The following MEIOSIN variants were observed in gnomAD, a reference collection of about 807,000 sequenced individuals.
The protein encoded by MEIOSIN is meiosis initiator protein.
MEIOSIN carries 18 observed loss-of-function variants against 23.4 expected under a neutral mutation model. That is an observed-to-expected ratio of 0.77 (90% CI 0.53 to 1.14). MEIOSIN has a LOEUF of 1.14. Among genes scored for constraint, MEIOSIN ranks in the 50% most tolerant of loss-of-function variants. The pLI is 0.00. For missense variants in MEIOSIN, 428 were observed against 242.9 expected, an observed-to-expected ratio of 1.76 and a Z score of -5.07; for synonymous variants, 187 against 100.6, an observed-to-expected ratio of 1.86 and a Z score of -5.14.
intron 3 of MEIOSIN, among the ~76,000 whole-genome samples, chr19:45,743,266 A>G (rs1486303060): frequency 6.6e-6 from 1 of 152,184 alleles, no homozygotes; most frequent in African/African-American, 2.4e-5. Flanking sequence ...GAGACGGTCA[A>G]ATAACACCTT....
In MEIOSIN at chr19:45,764,418, C is replaced by T. The variant is rs991255755; in HGVS notation, c.*300C>T. ...CCCTCTCCCCTTCCCTTCCCCACCCCAGAGCCACTCGGTTGCAACCCTGTT... is the reference window on the plus strand; with the variant it reads ...CCCTCTCCCCTTCCCTTCCCCACCCTAGAGCCACTCGGTTGCAACCCTGTT... On this transcript the variant is annotated 3_prime_UTR_variant, in exon 15 of 15. Coordinates refer to ENST00000457052, the MANE Select transcript of MEIOSIN (RefSeq NM_001310124.2). 6.3e-6 allele frequency: 2 copies of T among 316,914 alleles called. No individual in the cohort carries two copies. The highest frequency in any genetic ancestry group is 1.1e-5 in the Non-Finnish European group (2 of 174,440). 19.6% of individuals were successfully genotyped at this position (316,914 alleles called of 1,614,324 possible). A position where few individuals can be genotyped will look rare whatever the true frequency, so the allele number is the denominator to read the frequency against.
chr19:45,741,340 G>C (rs1479916945), intron 3 of MEIOSIN, among the ~76,000 whole-genome samples: 2 of 151,118 alleles, frequency 1.3e-5, no homozygotes, highest in Admixed American at 6.6e-5. Flanking sequence ...GCGAGACTCT[G>C]TCTCGGGGGA....
intron 2 of MEIOSIN, among the ~76,000 whole-genome samples, chr19:45,737,162 C>G (rs1376595592): frequency 6.6e-6 from 1 of 151,824 alleles, no homozygotes. Context: ...AGTCAGCAAG[C>G]CTGGCTTCTT....
Position 45,759,462 on chromosome 19 carries a change from C to T in MEIOSIN, c.1217C>T (p.Ala406Val), listed in dbSNP as rs1382035249. 1 of 703,316 alleles carries T rather than the reference C, an allele frequency of 1.4e-6. No homozygotes were observed. The highest frequency in any genetic ancestry group is 2.0e-5 in the Admixed American group (1 of 49,990). 43.6% of individuals were successfully genotyped at this position (703,316 alleles called of 1,614,324 possible). The change falls in exon 11 of 15, where the codon GCC (alanine) becomes GTC (valine). Residue 406 changes from alanine to valine, a missense_variant. Coordinates refer to ENST00000457052, the MANE Select transcript of MEIOSIN (RefSeq NM_001310124.2). ...TTAGATCTGGAGTCTTCACCTTCAGCCTACACGCAGGAGGCTCCACAGGAA... is the reference window on the plus strand; with the variant it reads ...TTAGATCTGGAGTCTTCACCTTCAGTCTACACGCAGGAGGCTCCACAGGAA... ...VCLDLESSPS[A>V]YTQEAPQEKD...
chr19:45,752,071 C>G (rs182444586), intron 5 of MEIOSIN, among the ~76,000 whole-genome samples: 1 of 124,166 alleles, frequency 8.1e-6, no homozygotes, highest in Non-Finnish European at 1.6e-5. Context: ...AGGTCTCACT[C>G]TGTCACCCAG....
rs1307740053 is a variant in MEIOSIN, at chr19:45,753,782, G to T, written c.550G>T (p.Ala184Ser). ...GCCTCGGAAGAAGAAGCTGACCCAG[G>T]CATCAGGTACAAGCTGTCACTGGAG... ...QKPRKKKLTQASESQTRTPKP... is the reference protein window; with the variant it reads ...QKPRKKKLTQSSESQTRTPKP... Residue 184 changes from alanine to serine, a missense_variant, in exon 6 of 15, where the codon GCA (alanine) becomes TCA (serine). Physicochemically the swap from Ala to Ser is moderately conservative, Grantham distance 99. Transcript: ENST00000457052. 1 of 702,340 alleles carries T rather than the reference G, an allele frequency of 1.4e-6. No individual in the cohort carries two copies. 43.5% of individuals were successfully genotyped at this position (702,340 alleles called of 1,614,324 possible).
rs1226485779 is a variant in MEIOSIN at position 45,739,673 on chromosome 19, C to T, written c.119C>T (p.Pro40Leu). Residue 40 changes from proline to leucine, a missense_variant, in exon 3 of 15, where the codon CCC becomes CTC. Coordinates refer to ENST00000457052, the MANE Select transcript of MEIOSIN (RefSeq NM_001310124.2). ...SLVEGEDKVN[P>L]SEPHGLRMEE... ...GTGGAAGGGGAAGATAAGGTCAACC[C>T]CTCCGAACCACATGGACTGAGAATG... The T allele has an allele frequency of 1.4e-6, 1 of 703,376 alleles. No individual in the cohort carries two copies. The highest frequency in any genetic ancestry group is 2.0e-5 in the Admixed American group (1 of 49,968). 43.6% of individuals were successfully genotyped at this position (703,376 alleles called of 1,614,324 possible). A position where few individuals can be genotyped will look rare whatever the true frequency, so the allele number is the denominator to read the frequency against.
chr19:45,741,528 A>C (rs572902354), intron 3 of MEIOSIN, among the ~76,000 whole-genome samples: 40 of 152,138 alleles, frequency 2.6e-4, no homozygotes, highest in Non-Finnish European at 5.4e-4. Flanking sequence ...TTTTATGGAT[A>C]AATCAGCCTG....
At chr19:45,745,727 C>T (rs1282231134) in intron 4 of MEIOSIN, among the ~76,000 whole-genome samples, 1 of 152,104 alleles carries the variant, frequency 6.6e-6, no homozygotes, top group East Asian at 1.9e-4. Context: ...CCACCACACC[C>T]GGCTAATAGT....
At chr19:45,747,285 C>T (rs1968612331) in intron 4 of MEIOSIN, among the ~76,000 whole-genome samples, 1 of 152,196 alleles carries the variant, frequency 6.6e-6, no homozygotes, top group Admixed American at 6.5e-5. Flanking sequence ...GGGACATGCT[C>T]AGTCCAGTGC....
At chr19:45,737,320 T>G (rs540589032) in intron 2 of MEIOSIN, among the ~76,000 whole-genome samples, 5 of 151,654 alleles carry the variant, frequency 3.3e-5, no homozygotes, top group Non-Finnish European at 7.4e-5. Flanking sequence ...GCTGGGACCA[T>G]AGGCGTGCAC....
In MEIOSIN at chr19:45,753,700, T is replaced by G; in HGVS notation, c.468T>G (p.Ser156=). ...AWGPARRRRH[S]TPSSSPSSQK... ...GCCCAGCCAGGCGGAGGAGACACTCTACCCCCTCCAGCTCCCCAAGCTCTC... is the reference window on the plus strand; with the variant it reads ...GCCCAGCCAGGCGGAGGAGACACTCGACCCCCTCCAGCTCCCCAAGCTCTC... The change falls in exon 6 of 15, where the codon TCT becomes TCG. Residue 156 remains serine (S), a synonymous_variant. Coordinates refer to ENST00000457052, the MANE Select transcript of MEIOSIN (RefSeq NM_001310124.2). The G allele has an allele frequency of 1.4e-6, 1 of 702,938 alleles. No homozygotes were observed. The highest frequency in any genetic ancestry group is 2.7e-5 in the East Asian group (1 of 37,284). The allele number at this position is 702,938 out of a possible 1,614,324, so 43.5% of individuals were successfully genotyped here.
intron 3 of MEIOSIN, 76 bp downstream of exon 3, chr19:45,739,806 C>T: frequency 4.3e-6 from 3 of 696,814 alleles, no homozygotes; most frequent in Admixed American, 2.0e-5. Context: ...CCTCTTACCC[C>T]TAAAATCATT....
chr19:45,745,016 C>T (rs1192488623), intron 3 of MEIOSIN, among the ~76,000 whole-genome samples, 176 bp from the exon 4 acceptor site: 2 of 152,050 alleles, frequency 1.3e-5, no homozygotes, highest in East Asian at 1.9e-4. Flanking sequence ...TGGTGACTGA[C>T]TGATTAAGGG....
In MEIOSIN at chr19:45,764,420, G is replaced by A; in HGVS notation, c.*302G>A. 2 of 308,826 alleles carry A rather than the reference G, an allele frequency of 6.5e-6. No homozygotes were observed. Among genetic ancestry groups the A allele is most frequent in the Non-Finnish European group, 1.2e-5 (2 of 170,924 alleles). The allele number at this position is 308,826 out of a possible 1,614,324, so 19.1% of individuals were successfully genotyped here. A position where few individuals can be genotyped will look rare whatever the true frequency, so the allele number is the denominator to read the frequency against. ...CTCTCCCCTTCCCTTCCCCACCCCA[G>A]AGCCACTCGGTTGCAACCCTGTTCA... is the stretch of plus-strand genomic sequence containing the variant. On this transcript the variant is annotated 3_prime_UTR_variant, in exon 15 of 15. Coordinates refer to ENST00000457052, the MANE Select transcript of MEIOSIN (RefSeq NM_001310124.2).
At chr19:45,762,967 G>A (rs189755364) in intron 13 of MEIOSIN, among the ~76,000 whole-genome samples, 167 of 152,312 alleles carry the variant, frequency 1.1e-3, no homozygotes, top group South Asian at 6.8e-3. Flanking sequence ...GAGGAGGAGA[G>A]GTCTCTAAGG....
chr19:45,739,627 A>C lies in MEIOSIN; in HGVS notation c.73A>C (p.Thr25Pro). The C allele has an allele frequency of 1.4e-6, 1 of 703,014 alleles. No homozygotes were observed. 43.5% of individuals were successfully genotyped at this position (703,014 alleles called of 1,614,324 possible). A position where few individuals can be genotyped will look rare whatever the true frequency, so the allele number is the denominator to read the frequency against. The change falls in exon 3 of 15, where the codon ACC becomes CCC. Residue 25 changes from threonine (T) to proline (P), a missense_variant and splice_region_variant. Thr to Pro is a conservative substitution (Grantham distance 38). Transcript: ENST00000457052. ...AATCACTGTGACTATTCTTGGCAGGACCTTGGTTTTGTGCTCCCTAGTGGA... is the reference window on the plus strand; with the variant it reads ...AATCACTGTGACTATTCTTGGCAGGCCCTTGGTTTTGTGCTCCCTAGTGGA... The part of the protein sequence containing the change: ...RANSLGPSDR[T>P]LVLCSLVEGE...
chr19:45,745,064 T>A (rs1201999125), intron 3 of MEIOSIN, 128 bp from the exon 4 acceptor site: 1 of 641,070 alleles, frequency 1.6e-6, no homozygotes, highest in Non-Finnish European at 2.8e-6. Flanking sequence ...TGCCTGGGAT[T>A]CTGTCCTCGG....
At chr19:45,741,580 G>T (rs897982933) in intron 3 of MEIOSIN, among the ~76,000 whole-genome samples, 1 of 151,934 alleles carries the variant, frequency 6.6e-6, no homozygotes, top group Non-Finnish European at 1.5e-5. Flanking sequence ...GCCCTGTGGC[G>T]TGTGCCTGTA....
Sources: gnomAD v4.1 joint callset for allele counts (sites outside exome capture counted in the v4.1 genomes callset) on GRCh38, gnomAD v4.1.1 for gene constraint, MANE v1.5 for transcripts, NCBI Gene and HGNC (gene_info 2026-07-23, HGNC 2026-07-21) for gene names.